TRPC7: variants seen among roughly 807,000 people sequenced by gnomAD.
The protein encoded by TRPC7 is short transient receptor potential channel 7.
TRPC7 carries 42 observed loss-of-function variants against 90.1 expected under a neutral mutation model. The observed-to-expected ratio is 0.47, with a 90% CI of 0.36 to 0.60. The LOEUF is 0.60. Ranked by LOEUF, TRPC7 falls within the 20% of genes least tolerant of loss-of-function variation. The pLI is 0.00. For missense variants in TRPC7, 955 were observed against 1,112.3 expected (o/e 0.86, Z 2.01); for synonymous variants, 451 against 436.3 (o/e 1.03, Z -0.42).
intron 3 of TRPC7, among the ~76,000 whole-genome samples, chr5:136,300,078 A>G (rs1356051810): frequency 6.6e-6 from 1 of 152,226 alleles, no homozygotes; most frequent in East Asian, 1.9e-4. Context: ...CCTTTCATGC[A>G]ACTACTTAGG....
chr5:136,349,085 C>A (rs973711886), intron 2 of TRPC7, among the ~76,000 whole-genome samples: 13 of 151,940 alleles, frequency 8.6e-5, no homozygotes, highest in South Asian at 2.1e-4. Context: ...AGATATTTTT[C>A]AAAAAATAAT....
chr5:136,328,352 A>G (rs899580117), intron 2 of TRPC7, among the ~76,000 whole-genome samples: 2 of 152,090 alleles, frequency 1.3e-5, no homozygotes, highest in South Asian at 2.1e-4. Context: ...CTGACTTTAT[A>G]TGCTCTCTGC....
In TRPC7 at chr5:136,247,651, A is replaced by G; in HGVS notation, c.1664T>C (p.Ile555Thr). The change falls in exon 7 of 12, where the codon ATT becomes ACT. Residue 555 changes from isoleucine to threonine, a missense_variant. By Grantham distance (89) the Ile-to-Thr change is moderately conservative. Transcript: ENST00000513104. The surrounding 1 kb of genome is among the most constrained non-coding windows in gnomAD (Gnocchi z 4.2). ...AIAVVLSFSRIAYILPANESF... is the reference protein window; with the variant it reads ...AIAVVLSFSRTAYILPANESF... Reference sequence around the variant, plus strand: ...CTCGTTGGCTGGCAGAATGTATGCAATGCGAGAGAAGCTCAGCACGACGGC... The same window carrying G: ...CTCGTTGGCTGGCAGAATGTATGCAGTGCGAGAGAAGCTCAGCACGACGGC... The G allele has an allele frequency of 6.2e-7, 1 of 1,614,026 alleles. No individual in the cohort carries two copies. Among genetic ancestry groups the G allele is most frequent in the Non-Finnish European group, 8.5e-7 (1 of 1,179,898 alleles).
At chr5:136,280,607 G>T (rs1340472427) in intron 3 of TRPC7, among the ~76,000 whole-genome samples, 1 of 152,106 alleles carries the variant, frequency 6.6e-6, no homozygotes, top group Admixed American at 6.5e-5. Flanking sequence ...CAGGAAGAGG[G>T]GATAAAAGCT....
chr5:136,242,638 A>G (rs1020099664), intron 7 of TRPC7, among the ~76,000 whole-genome samples: 1 of 152,234 alleles, frequency 6.6e-6, no homozygotes, highest in African/African-American at 2.4e-5. Context: ...TTTGAAGTAC[A>G]AAGAGCTGAG....
intron 5 of TRPC7, among the ~76,000 whole-genome samples, chr5:136,261,837 T>C (rs1228146506): frequency 6.6e-6 from 1 of 152,248 alleles, no homozygotes; most frequent in Non-Finnish European, 1.5e-5. Flanking sequence ...GGCATGTATA[T>C]TCAGTTGCTA....
At chr5:136,346,885 T>C (rs1403987679) in intron 2 of TRPC7, among the ~76,000 whole-genome samples, 1 of 152,132 alleles carries the variant, frequency 6.6e-6, no homozygotes, top group Non-Finnish European at 1.5e-5. Context: ...AATGTGACCT[T>C]ATTTGGAAAT....
At chr5:136,297,245 GAA>G (rs992479219) in intron 3 of TRPC7, among the ~76,000 whole-genome samples, 3 of 152,136 alleles carry the variant, frequency 2.0e-5, no homozygotes, top group African/African-American at 7.2e-5. Flanking sequence ...CTGTTAGGAT[GAA>G]AGTTCCTGAC....
intron 7 of TRPC7, among the ~76,000 whole-genome samples, chr5:136,238,507 G>A (rs1756061958): frequency 6.6e-6 from 1 of 152,228 alleles, no homozygotes. Context: ...AACATCTCAA[G>A]CTAACCCTGG....
At chr5:136,341,868 T>C (rs1759857087) in intron 2 of TRPC7, among the ~76,000 whole-genome samples, 1 of 152,200 alleles carries the variant, frequency 6.6e-6, no homozygotes, top group Non-Finnish European at 1.5e-5. Flanking sequence ...CTGTCCATAT[T>C]GTGGCTTAAT....
At chr5:136,223,637 A>AAAAAAAAGT (rs1755533968) in intron 10 of TRPC7, among the ~76,000 whole-genome samples, 1 of 152,016 alleles carries the variant, frequency 6.6e-6, no homozygotes, top group African/African-American at 2.4e-5. Flanking sequence ...ATAAAGTAAA[A>AAAAAAAAGT]AAAAAAAGTA....
intron 3 of TRPC7, among the ~76,000 whole-genome samples, chr5:136,311,087 G>A (rs1758811683): frequency 6.6e-6 from 1 of 152,070 alleles, no homozygotes; most frequent in Non-Finnish European, 1.5e-5. Context: ...TCCTTTATAG[G>A]TAGAGTTAAG....
intron 8 of TRPC7, among the ~76,000 whole-genome samples, chr5:136,229,593 G>A (rs1755753205): frequency 6.6e-6 from 1 of 152,152 alleles, no homozygotes; most frequent in Non-Finnish European, 1.5e-5. Flanking sequence ...CAGCAAGAAG[G>A]TGGACATCTG....
At chr5:136,325,626 C>T (rs1050053893) in intron 2 of TRPC7, among the ~76,000 whole-genome samples, 1 of 152,078 alleles carries the variant, frequency 6.6e-6, no homozygotes, top group Non-Finnish European at 1.5e-5. Context: ...GGCAGGAGAA[C>T]AGGGTCTGGA....
At position 136,213,295 on chromosome 5, in the gene TRPC7, G is replaced by A; in HGVS notation, c.*140C>T. 1.2e-6 allele frequency: 1 copy of A among 844,764 alleles called. No individual in the cohort carries two copies. Among genetic ancestry groups the A allele is most frequent in the Non-Finnish European group, 1.8e-6 (1 of 546,324 alleles). The allele number at this position is 844,764 out of a possible 1,614,324, so 52.3% of individuals were successfully genotyped here. On this transcript the variant is annotated 3_prime_UTR_variant, in exon 12 of 12. Coordinates refer to ENST00000513104, the MANE Select transcript of TRPC7 (RefSeq NM_020389.3). ...CCAGCGGGCTGGAGATGTCAGTCATGCTGCAAGAGACTGAGCCAGGAGATC... is the reference window on the plus strand; with the variant it reads ...CCAGCGGGCTGGAGATGTCAGTCATACTGCAAGAGACTGAGCCAGGAGATC...
intron 1 of TRPC7, among the ~76,000 whole-genome samples, chr5:136,363,590 T>G (rs933598909): frequency 6.6e-6 from 1 of 152,192 alleles, no homozygotes; most frequent in Non-Finnish European, 1.5e-5. Context: ...CTCATTAAAA[T>G]GTTTTATATT....
chr5:136,323,528 A>C (rs1178280774), intron 2 of TRPC7, among the ~76,000 whole-genome samples: 1 of 152,198 alleles, frequency 6.6e-6, no homozygotes, highest in African/African-American at 2.4e-5. Flanking sequence ...TGTGAGGTGT[A>C]GGTTGAGGTA....
chr5:136,350,876 A>T (rs1304893652), intron 2 of TRPC7, among the ~76,000 whole-genome samples: 1 of 152,214 alleles, frequency 6.6e-6, no homozygotes, highest in Admixed American at 6.5e-5. Flanking sequence ...AGGGACACAG[A>T]TCCCTGAGGA....
At chr5:136,306,122 G>A (rs1339288704) in intron 3 of TRPC7, among the ~76,000 whole-genome samples, 2 of 152,106 alleles carry the variant, frequency 1.3e-5, no homozygotes. Flanking sequence ...GGTTTACACT[G>A]TTTCTCCAAG....
Sources: gnomAD v4.1 joint callset for allele counts (sites outside exome capture counted in the v4.1 genomes callset) on GRCh38, gnomAD v4.1.1 for gene constraint, Gnocchi (gnomAD v3.1) non-coding constraint, MANE v1.5 for transcripts, NCBI Gene and HGNC (gene_info 2026-07-23, HGNC 2026-07-21) for gene names.